The following REDIC1 variants were observed in gnomAD, a reference collection of about 807,000 sequenced individuals.
REDIC1 encodes the protein regulator of DNA class I crossover intermediates 1.
chr12:39,748,572 A>G, the REDIC1 span, among the ~76,000 whole-genome samples: 4 of 152,350 alleles, frequency 2.6e-5, no homozygotes, highest in Admixed American at 2.0e-4. Flanking sequence ...AGCAGACCTA[A>G]TAGACATCTA....
chr12:39,654,353 C>T, the REDIC1 span, among the ~76,000 whole-genome samples: 1 of 151,790 alleles, frequency 6.6e-6, no homozygotes, highest in Non-Finnish European at 1.5e-5. Flanking sequence ...TTTGGGAGGC[C>T]AAGGTGGGCG....
chr12:39,653,857 C>T, the REDIC1 span, among the ~76,000 whole-genome samples: 1 of 151,796 alleles, frequency 6.6e-6, no homozygotes, highest in Non-Finnish European at 1.5e-5. Context: ...GTTTCTAGAG[C>T]ATTGAGACTT....
chr12:39,809,750 T>C, the REDIC1 span, among the ~76,000 whole-genome samples: 49 of 152,092 alleles, frequency 3.2e-4, no homozygotes, highest in African/African-American at 1.2e-3. Flanking sequence ...AGTGAGAACA[T>C]GCGGTGTTTG....
chr12:39,772,745 T>A, the REDIC1 span, among the ~76,000 whole-genome samples: 148,126 of 152,330 alleles, frequency 0.97, 72,019 homozygotes, highest in East Asian at 1. Flanking sequence ...TCACAGTTCC[T>A]AGGGTGATCT....
the REDIC1 span, among the ~76,000 whole-genome samples, chr12:39,668,941 A>T: frequency 1.0e-4 from 13 of 127,414 alleles, no homozygotes; most frequent in African/African-American, 3.1e-4. Flanking sequence ...TGGTTATTCT[A>T]GTTGGCCATT....
chr12:39,716,902 G>A, the REDIC1 span: 1 of 1,148,624 alleles, frequency 8.7e-7, no homozygotes, highest in Non-Finnish European at 1.2e-6. Flanking sequence ...TTTTCTCATA[G>A]TTTACCTTTA....
chr12:39,777,535 G>A, the REDIC1 span, among the ~76,000 whole-genome samples: 11 of 152,160 alleles, frequency 7.2e-5, no homozygotes, highest in African/African-American at 2.7e-4. Flanking sequence ...CATAGGTGAG[G>A]ACAGGCATTT....
the REDIC1 span, among the ~76,000 whole-genome samples, chr12:39,831,185 G>A: frequency 6.6e-6 from 1 of 152,148 alleles, no homozygotes; most frequent in Non-Finnish European, 1.5e-5. Flanking sequence ...ATGAGAAACA[G>A]ATGAACAACG....
the REDIC1 span, among the ~76,000 whole-genome samples, chr12:39,780,656 C>G: frequency 6.6e-6 from 1 of 152,168 alleles, no homozygotes; most frequent in Non-Finnish European, 1.5e-5. Flanking sequence ...ACATATCAAT[C>G]TCAATGACTA....
chr12:39,648,622 T>C, the REDIC1 span, among the ~76,000 whole-genome samples: 1 of 151,466 alleles, frequency 6.6e-6, no homozygotes, highest in Non-Finnish European at 1.5e-5. Flanking sequence ...GTTACTATAC[T>C]AATGTCTAAT....
the REDIC1 span, among the ~76,000 whole-genome samples, chr12:39,903,954 T>C: frequency 6.6e-6 from 1 of 152,076 alleles, no homozygotes; most frequent in African/African-American, 2.4e-5. Context: ...ACAGACAGGA[T>C]ACTGCTATTT....
the REDIC1 span, among the ~76,000 whole-genome samples, chr12:39,843,220 C>T: frequency 6.6e-6 from 1 of 152,106 alleles, no homozygotes; most frequent in South Asian, 2.1e-4. Context: ...TTTGTGCACA[C>T]TTTTTCGTAC....
chr12:39,805,427 G>C, the REDIC1 span, among the ~76,000 whole-genome samples: 1 of 152,038 alleles, frequency 6.6e-6, no homozygotes, highest in African/African-American at 2.4e-5. Flanking sequence ...GGGAATCTGG[G>C]TACATCGTGA....
the REDIC1 span, among the ~76,000 whole-genome samples, chr12:39,683,887 C>G: frequency 6.6e-6 from 1 of 151,908 alleles, no homozygotes; most frequent in East Asian, 1.9e-4. Flanking sequence ...AGGTTGCTTG[C>G]TTGGTTGGTA....
chr12:39,842,275 T>G, the REDIC1 span, among the ~76,000 whole-genome samples: 2 of 152,070 alleles, frequency 1.3e-5, no homozygotes, highest in East Asian at 3.9e-4. Flanking sequence ...TCTGGTCTTT[T>G]CCGGTATCCT....
the REDIC1 span, among the ~76,000 whole-genome samples, chr12:39,763,674 G>A: frequency 6.6e-6 from 1 of 152,172 alleles, no homozygotes; most frequent in Non-Finnish European, 1.5e-5. Flanking sequence ...TAAGCAGCAG[G>A]CATTCCGTCT....
chr12:39,663,593 A>G, the REDIC1 span, among the ~76,000 whole-genome samples: 1 of 151,932 alleles, frequency 6.6e-6, no homozygotes, highest in Non-Finnish European at 1.5e-5. Context: ...GTTACTCTTG[A>G]TATGTGAGGA....
chr12:39,810,547 C>A, the REDIC1 span, among the ~76,000 whole-genome samples: 4 of 152,050 alleles, frequency 2.6e-5, no homozygotes, highest in Non-Finnish European at 2.9e-5. Flanking sequence ...GACATTCTCA[C>A]CTAGTTTTCA....
the REDIC1 span, among the ~76,000 whole-genome samples, chr12:39,657,287 T>C: frequency 6.6e-6 from 1 of 152,242 alleles, no homozygotes; most frequent in Admixed American, 6.5e-5. Context: ...TAGGCAATAC[T>C]GTACAGGTTT....
Sources: gnomAD v4.1 joint callset for allele counts (sites outside exome capture counted in the v4.1 genomes callset) on GRCh38, gnomAD v4.1.1 for gene constraint, MANE v1.5 for transcripts, NCBI Gene and HGNC (gene_info 2026-07-23, HGNC 2026-07-21) for gene names.